Variants in CCDC178 observed in about 807,000 individuals in gnomAD.
CCDC178 encodes the protein coiled-coil domain-containing protein 178.
CCDC178 carries 126 observed loss-of-function variants against 117.4 expected under a neutral mutation model. The observed-to-expected ratio is 1.07, with a 90% CI of 0.93 to 1.24. The LOEUF (loss-of-function observed/expected upper bound fraction) is 1.24, where lower values mean the gene tolerates loss of function less well. Among genes scored for constraint, CCDC178 ranks in the 50% most tolerant of loss-of-function variants. The pLI is 0.00. For synonymous variants in CCDC178, 283 were observed against 313.4 expected (o/e 0.90, Z 1.02); for missense variants, 1,030 against 986.9 (o/e 1.04, Z -0.59).
intron 11 of CCDC178, among the ~76,000 whole-genome samples, chr18:33,315,612 T>G (rs2062404665): frequency 6.6e-6 from 1 of 152,138 alleles, no homozygotes; most frequent in Non-Finnish European, 1.5e-5. Context: ...TACCTAAGAC[T>G]AGCTAGGGAA....
intron 2 of CCDC178, among the ~76,000 whole-genome samples, chr18:33,430,827 C>G (rs565505101): frequency 3.3e-5 from 5 of 150,708 alleles, no homozygotes; most frequent in African/African-American, 4.9e-5. Context: ...AATCCCAGCA[C>G]TTTGGGAGGC....
chr18:33,339,101 T>G (rs1908782794), intron 9 of CCDC178, among the ~76,000 whole-genome samples: 1 of 152,020 alleles, frequency 6.6e-6, no homozygotes, highest in Non-Finnish European at 1.5e-5. Context: ...CTAATGACAT[T>G]CTGAGAAGAA....
chr18:32,960,959 T>C (rs1176209639), intron 22 of CCDC178, among the ~76,000 whole-genome samples: 2 of 152,184 alleles, frequency 1.3e-5, no homozygotes, highest in Non-Finnish European at 2.9e-5. Flanking sequence ...ACTTATTCTT[T>C]ACTATTTCAA....
At chr18:33,221,192 C>T (rs1265309108) in intron 18 of CCDC178, among the ~76,000 whole-genome samples, 3 of 152,044 alleles carry the variant, frequency 2.0e-5, no homozygotes, top group Admixed American at 2.0e-4. Context: ...TAGTGCCTAA[C>T]AGACCTAGTA....
intron 21 of CCDC178, among the ~76,000 whole-genome samples, chr18:33,042,036 A>G (rs1209788970): frequency 1.3e-5 from 2 of 151,922 alleles, no homozygotes; most frequent in Non-Finnish European, 2.9e-5. Flanking sequence ...AAAAATCACT[A>G]TTTTGATATT....
Position 33,208,273 on chromosome 18 carries a change from A to G in CCDC178, c.2238+3623T>C, listed in dbSNP as rs1260310897. Among the ~76,000 whole-genome samples, 3 of 152,054 alleles carry G rather than the reference A, an allele frequency of 2.0e-5. No homozygotes were observed. The East Asian group carries it at 5.8e-4, about 29-fold the overall frequency. Reference sequence around the variant, plus strand: ...AGGAAGGTTGTCATTAAGGCAAATAACTCTTGCCCAGGAAATCCATTGGTC... The same window carrying G: ...AGGAAGGTTGTCATTAAGGCAAATAGCTCTTGCCCAGGAAATCCATTGGTC... On this transcript the variant is annotated intron_variant, in intron 20 of 22. Coordinates refer to ENST00000383096, the MANE Select transcript of CCDC178 (RefSeq NM_001105528.4).
intron 21 of CCDC178, among the ~76,000 whole-genome samples, chr18:33,065,081 T>A (rs2056988878): frequency 1.3e-5 from 2 of 149,992 alleles, no homozygotes; most frequent in Admixed American, 6.6e-5. Context: ...GAGCAGTTGC[T>A]ACCAGGGACT....
chr18:33,054,749 T>C (rs1222696942), intron 21 of CCDC178, among the ~76,000 whole-genome samples: 4 of 152,268 alleles, frequency 2.6e-5, no homozygotes, highest in Non-Finnish European at 5.9e-5. Context: ...CATGCATCTT[T>C]ATAATAGAAT....
intron 21 of CCDC178, among the ~76,000 whole-genome samples, chr18:33,030,929 G>A (rs1372668744): frequency 6.6e-6 from 1 of 152,116 alleles, no homozygotes; most frequent in Non-Finnish European, 1.5e-5. Context: ...GTCCAAGCCT[G>A]AAGGCCTCAG....
chr18:33,203,318 C>T (rs1226813756), intron 20 of CCDC178, among the ~76,000 whole-genome samples: 1 of 151,982 alleles, frequency 6.6e-6, no homozygotes. Context: ...GAGTCATCTG[C>T]CTTTTAACTT....
chr18:32,985,981 A>C lies in CCDC178; in HGVS notation c.2389-11300T>G, dbSNP rs182611054. 1.7e-3 allele frequency among the ~76,000 whole-genome samples: 266 copies of C among 152,202 alleles called. 1 individual carries two copies. Among genetic ancestry groups the C allele is most frequent in the African/African-American group, 6.0e-3 (249 of 41,574 alleles). On this transcript the variant is annotated intron_variant, in intron 21 of 22. Transcript: ENST00000383096. ...GATTCAATATAAAATACTCATTCTT[A>C]ATATAGAAAGATATTTTTGTTTTTG...
chr18:33,087,313 T>C (rs1327197313), intron 21 of CCDC178, among the ~76,000 whole-genome samples: 2 of 152,182 alleles, frequency 1.3e-5, no homozygotes, highest in African/African-American at 4.8e-5. Flanking sequence ...CCAGTCTTAG[T>C]ATTTTCCTCA....
chr18:33,345,493 G>A (rs2062879600), intron 9 of CCDC178, among the ~76,000 whole-genome samples: 2 of 152,058 alleles, frequency 1.3e-5, no homozygotes, highest in African/African-American at 4.8e-5. Flanking sequence ...AGTTCCCAAG[G>A]CAAATTTACT....
intron 6 of CCDC178, among the ~76,000 whole-genome samples, chr18:33,365,629 A>G (rs1006465693): frequency 6.6e-6 from 1 of 152,074 alleles, no homozygotes; most frequent in Non-Finnish European, 1.5e-5. Context: ...AGTTGATGTT[A>G]TTAATTTTGT....
At chr18:33,097,120 C>T (rs971093113) in intron 20 of CCDC178, among the ~76,000 whole-genome samples, 5 of 152,106 alleles carry the variant, frequency 3.3e-5, no homozygotes, top group Non-Finnish European at 7.4e-5. Flanking sequence ...TATGGCTTTT[C>T]CAGCTAATCG....
rs145886436 is a variant in CCDC178, at chr18:33,101,855, C to T, written c.2239-8945G>A. Among the ~76,000 whole-genome samples, 12 of 151,936 alleles carry T rather than the reference C, an allele frequency of 7.9e-5. No individual in the cohort carries two copies. In the East Asian group the frequency reaches 2.1e-3, roughly 27 times the overall value. On this transcript the variant is annotated intron_variant, in intron 20 of 22. Coordinates refer to ENST00000383096, the MANE Select transcript of CCDC178 (RefSeq NM_001105528.4). ...TAAAATATGTATATTTTGCAAGTTG[C>T]CACTGATGTAGTCAGATAACCTGAT...
At chr18:33,347,585 T>C (rs1165818092) in intron 8 of CCDC178, among the ~76,000 whole-genome samples, 1 of 152,160 alleles carries the variant, frequency 6.6e-6, no homozygotes, top group Non-Finnish European at 1.5e-5. Flanking sequence ...AAATTAATTG[T>C]CTTTTTTAAA....
At chr18:33,303,221 T>C (rs568619054) in intron 11 of CCDC178, among the ~76,000 whole-genome samples, 74 of 152,170 alleles carry the variant, frequency 4.9e-4, no homozygotes, top group African/African-American at 1.7e-3. Context: ...TTTTACTAAG[T>C]GAAAGAAGCC....
rs1462595557 is a variant in CCDC178, at chr18:33,264,831, T to C, written c.1409+2085A>G. 3.3e-5 allele frequency among the ~76,000 whole-genome samples: 5 copies of C among 152,106 alleles called. No homozygotes were observed. The East Asian group carries it at 9.6e-4, about 29-fold the overall frequency. The stretch of plus-strand genomic sequence containing the variant: ...TTGAGTGATCTCACTAATGTACTTT[T>C]CCCTCTATTACCAGCTAAATTACTA... On this transcript the variant is annotated intron_variant, in intron 14 of 22. Coordinates refer to ENST00000383096, the MANE Select transcript of CCDC178 (RefSeq NM_001105528.4).
Sources: allele counts gnomAD v4.1 joint callset (sites outside exome capture counted in the v4.1 genomes callset), GRCh38; gene constraint gnomAD v4.1.1; transcripts MANE v1.5; gene names NCBI Gene and HGNC (gene_info 2026-07-23, HGNC 2026-07-21).